Variants in LRRC49 observed in about 807,000 individuals in gnomAD.
LRRC49 encodes the protein leucine rich repeat containing 49, also known as leucine-rich repeat-containing protein 49.
LRRC49 carries 50 observed loss-of-function variants against 83.3 expected under a neutral mutation model. That is an observed-to-expected ratio of 0.60 (90% CI 0.48 to 0.76). The LOEUF (loss-of-function observed/expected upper bound fraction) is 0.76. Among genes scored for constraint, LRRC49 ranks in the 30% least tolerant of loss-of-function variants. The pLI is 0.00. For synonymous variants in LRRC49, 286 were observed against 283.3 expected (o/e 1.01, Z -0.10); for missense variants, 704 against 809.1 (o/e 0.87, Z 1.58).
rs775311705 is a variant in LRRC49, at chr15:70,853,936, G to A, written c.-299+467G>A. The A allele has an allele frequency of 1.1e-5, 16 of 1,434,868 alleles. No homozygotes were observed. The South Asian group carries it at 2.2e-4, about 20-fold the overall frequency. 88.9% of individuals were successfully genotyped at this position (1,434,868 alleles called of 1,614,324 possible). Reference sequence around the variant, plus strand: ...CCTCGCTCGCGCTGCCCCAGCCGGGGCTGAGGTACCGGGCCGGGTCCCCGG... The same window carrying A: ...CCTCGCTCGCGCTGCCCCAGCCGGGACTGAGGTACCGGGCCGGGTCCCCGG... On this transcript the variant is annotated intron_variant, in intron 1 of 16. Coordinates refer to the LRRC49 transcript ENST00000544974.
intron 1 of LRRC49, among the ~76,000 whole-genome samples, chr15:70,855,125 A>G (rs1206798431): frequency 6.6e-6 from 1 of 152,138 alleles, no homozygotes; most frequent in Non-Finnish European, 1.5e-5. Flanking sequence ...CGAGGTCAAG[A>G]GATCGAGACC....
intron 14 of LRRC49, among the ~76,000 whole-genome samples, chr15:71,033,838 C>G (rs1289167027): frequency 6.6e-6 from 1 of 152,068 alleles, no homozygotes; most frequent in Non-Finnish European, 1.5e-5. Flanking sequence ...TAGCCATATG[C>G]AGAAAATTGA....
rs1036162284 is a variant in LRRC49 at position 71,049,920 on chromosome 15, C to T, written c.*308C>T. The T allele has an allele frequency of 3.6e-5, 8 of 223,902 alleles. No homozygotes were observed. The highest frequency in any genetic ancestry group is 1.1e-4 in the Admixed American group (2 of 18,102). 13.9% of individuals were successfully genotyped at this position (223,902 alleles called of 1,614,324 possible). A position where few individuals can be genotyped will look rare whatever the true frequency, so the allele number is the denominator to read the frequency against. On this transcript the variant is annotated 3_prime_UTR_variant, in exon 16 of 16. Transcript: ENST00000260382. ...TGGTGCCCTGCTATAGCCCAAAGCA[C>T]GTAGTATTTGCTGATGATTCAGCAT...
At chr15:70,933,208 A>G (rs531745565) in intron 7 of LRRC49, among the ~76,000 whole-genome samples, 1 of 152,332 alleles carries the variant, frequency 6.6e-6, no homozygotes, top group African/African-American at 2.4e-5. Flanking sequence ...TTCCAAATAC[A>G]TAAAATAGTT....
Position 70,904,654 on chromosome 15 carries a change from A to G in LRRC49, c.399A>G (p.Leu133=). Residue 133 remains leucine (L), a synonymous_variant, in exon 5 of 16, where the codon CTA becomes CTG. Coordinates refer to ENST00000260382, the MANE Select transcript of LRRC49 (RefSeq NM_017691.5). ...CTCGGATACAAAATATTTCTAATCT[A>G]CAGAAGTTAATATCGTTGGATTTAT... The part of the protein sequence containing the change: ...FITRIQNISN[L]QKLISLDLYD... 1 of 1,612,862 alleles carries G rather than the reference A, an allele frequency of 6.2e-7. No individual in the cohort carries two copies. The highest frequency in any genetic ancestry group is 8.5e-7 in the Non-Finnish European group (1 of 1,178,904).
chr15:70,856,784 T>A (rs2032665106), intron 1 of LRRC49, among the ~76,000 whole-genome samples: 1 of 152,188 alleles, frequency 6.6e-6, no homozygotes, highest in African/African-American at 2.4e-5. Context: ...TGCACCCGAT[T>A]TTGTCTAGCA....
intron 10 of LRRC49, among the ~76,000 whole-genome samples, 154 bp from the exon 11 acceptor site, chr15:70,983,940 G>A (rs886730722): frequency 1.3e-5 from 2 of 152,008 alleles, no homozygotes; most frequent in African/African-American, 4.8e-5. Context: ...CAGGCCTCTT[G>A]AATCTTGTTT....
chr15:71,001,335 G>A (rs1341757516), intron 11 of LRRC49, among the ~76,000 whole-genome samples: 4 of 152,124 alleles, frequency 2.6e-5, no homozygotes, highest in Non-Finnish European at 5.9e-5. Flanking sequence ...AGAGAAGTAG[G>A]TGGGAGAGAC....
At chr15:71,019,759 A>G (rs1361339432) in intron 14 of LRRC49, among the ~76,000 whole-genome samples, 1 of 152,230 alleles carries the variant, frequency 6.6e-6, no homozygotes, top group Non-Finnish European at 1.5e-5. Context: ...TTCATAACAC[A>G]TAACTAGTTT....
chr15:71,019,865 A>G (rs2038941232), intron 14 of LRRC49, among the ~76,000 whole-genome samples: 2 of 152,242 alleles, frequency 1.3e-5, no homozygotes, highest in East Asian at 3.8e-4. Flanking sequence ...TCTTGTCTCA[A>G]AGAATCCTCA....
intron 3 of LRRC49, chr15:70,898,520 A>T: frequency 1.6e-6 from 1 of 637,458 alleles, no homozygotes; most frequent in Non-Finnish European, 2.8e-6. Context: ...CATGCCTGTA[A>T]CCCCAGCACT....
intron 14 of LRRC49, among the ~76,000 whole-genome samples, chr15:71,015,870 T>C (rs2038809019): frequency 6.6e-6 from 1 of 152,206 alleles, no homozygotes; most frequent in South Asian, 2.1e-4. Flanking sequence ...CCAGTGTTTA[T>C]ATTAGCAAAA....
chr15:70,987,892 T>A (rs1041191797), intron 11 of LRRC49, among the ~76,000 whole-genome samples: 4 of 152,238 alleles, frequency 2.6e-5, no homozygotes, highest in Admixed American at 2.6e-4. Flanking sequence ...TTTTGTTATG[T>A]ACCTAGTAGT....
intron 7 of LRRC49, among the ~76,000 whole-genome samples, chr15:70,927,928 C>CAT (rs1319775545): frequency 1.3e-5 from 2 of 152,166 alleles, no homozygotes; most frequent in African/African-American, 4.8e-5. Context: ...AGTTTACAGG[C>CAT]ATGAGCCACC....
chr15:70,947,711 G>A (rs1280051089), intron 8 of LRRC49, among the ~76,000 whole-genome samples: 2 of 152,192 alleles, frequency 1.3e-5, no homozygotes, highest in African/African-American at 4.8e-5. Context: ...CATTCTGGGT[G>A]AGAACTGTCA....
intron 1 of LRRC49, 28 bp downstream of exon 1, chr15:70,892,970 C>G: frequency 6.2e-7 from 1 of 1,612,302 alleles, no homozygotes; most frequent in East Asian, 2.2e-5. Context: ...CTTTCTCTTT[C>G]TTCCCACTGG....
intron 5 of LRRC49, among the ~76,000 whole-genome samples, chr15:70,910,154 G>C (rs1443777952): frequency 6.6e-6 from 1 of 152,052 alleles, no homozygotes; most frequent in African/African-American, 2.4e-5. Context: ...TGTGTGATAA[G>C]GGAGTGAAGA....
In LRRC49 at chr15:71,030,064, G is replaced by A. The variant is rs529789096; in HGVS notation, c.1704-7115G>A. Among the ~76,000 whole-genome samples, 5 of 152,276 alleles carry A rather than the reference G, an allele frequency of 3.3e-5. No individual in the cohort carries two copies. In the South Asian group the frequency reaches 1.0e-3, roughly 32 times the overall value. On this transcript the variant is annotated intron_variant, in intron 14 of 15. Coordinates refer to ENST00000260382, the MANE Select transcript of LRRC49 (RefSeq NM_017691.5). ...TGTGTGAATTTGATTCTCTCATCAT[G>A]ATACTAGCTGGTTATTTTGTACATT...
chr15:70,972,327 C>T (rs1184482005), intron 9 of LRRC49, among the ~76,000 whole-genome samples: 1 of 152,176 alleles, frequency 6.6e-6, no homozygotes, highest in Non-Finnish European at 1.5e-5. Context: ...TCTCTTCTGG[C>T]TTGTAGGGTT....
Sources: allele counts gnomAD v4.1 joint callset (sites outside exome capture counted in the v4.1 genomes callset), GRCh38; gene constraint gnomAD v4.1.1; transcripts MANE v1.5; gene names NCBI Gene and HGNC (gene_info 2026-07-23, HGNC 2026-07-21).